The following GSAP variants were observed in gnomAD, a reference collection of about 807,000 sequenced individuals.
GSAP encodes gamma-secretase-activating protein.
A neutral mutation model predicts 131.7 loss-of-function variants in GSAP; 118 were observed. That is an observed-to-expected ratio of 0.90 (90% CI 0.77 to 1.04). GSAP has a LOEUF of 1.04. Ranked by LOEUF, GSAP falls within the 50% of genes least tolerant of loss-of-function variation. GSAP has a pLI of 0.00. For missense variants in GSAP, 1,019 were observed against 1,013.2 expected, an observed-to-expected ratio of 1.01 and a Z score of -0.08; for synonymous variants, 381 against 363.4, an observed-to-expected ratio of 1.05 and a Z score of -0.55.
intron 12 of GSAP, among the ~76,000 whole-genome samples, chr7:77,366,225 G>A (rs1353859744): frequency 1.3e-5 from 2 of 152,098 alleles, no homozygotes; most frequent in African/African-American, 4.8e-5. Context: ...CTGTGCAGAA[G>A]CTCTTAAGTT....
In GSAP at chr7:77,416,191, CT is replaced by C. The variant is rs1804427852; in HGVS notation, c.109+21del. On this transcript the variant is annotated intron_variant, in intron 1 of 30. Transcript: ENST00000257626. Reference sequence around the variant, plus strand: ...ACTCCCACTCCCCGCCCCCACCCCTCTCCGCAGCGCGCCTCCCGCACCTGCG... The same window carrying C: ...ACTCCCACTCCCCGCCCCCACCCCTCCCGCAGCGCGCCTCCCGCACCTGCG... 5 of 1,268,186 alleles carry C rather than the reference CT, an allele frequency of 3.9e-6. No homozygotes were observed. In the South Asian group the frequency reaches 4.6e-5, roughly 12 times the overall value. The allele number at this position is 1,268,186 out of a possible 1,614,324, so 78.6% of individuals were successfully genotyped here.
intron 12 of GSAP, among the ~76,000 whole-genome samples, chr7:77,368,205 C>T (rs1363137549): frequency 2.6e-5 from 4 of 152,136 alleles, no homozygotes; most frequent in Non-Finnish European, 4.4e-5. Context: ...TCCTGCCTTG[C>T]TTTTTGCCAT....
chr7:77,333,446 C>T (rs1195492943), intron 19 of GSAP, among the ~76,000 whole-genome samples: 1 of 152,180 alleles, frequency 6.6e-6, no homozygotes, highest in African/African-American at 2.4e-5. Context: ...CCATTGGAAC[C>T]ACCTGGGTCC....
At chr7:77,321,814 G>A (rs1787682740) in intron 24 of GSAP, among the ~76,000 whole-genome samples, 3 of 152,218 alleles carry the variant, frequency 2.0e-5, no homozygotes, top group South Asian at 2.1e-4. Flanking sequence ...GAGCTGTGAA[G>A]TAAGACTGGT....
intron 19 of GSAP, among the ~76,000 whole-genome samples, chr7:77,340,277 T>C (rs1365549254): frequency 6.6e-6 from 1 of 152,158 alleles, no homozygotes; most frequent in Non-Finnish European, 1.5e-5. Context: ...CTGACTCTTT[T>C]TGGACTCAGC....
intron 18 of GSAP, among the ~76,000 whole-genome samples, chr7:77,350,657 C>T (rs958903393): frequency 6.6e-6 from 1 of 151,572 alleles, no homozygotes; most frequent in African/African-American, 2.4e-5. Flanking sequence ...GCAGGACAAT[C>T]ACTTGAACCT....
chr7:77,325,986 G>T (rs757489171), intron 23 of GSAP, among the ~76,000 whole-genome samples: 1 of 152,172 alleles, frequency 6.6e-6, no homozygotes, highest in Non-Finnish European at 1.5e-5. Flanking sequence ...AATTACATAT[G>T]TATTGGTGTG....
At chr7:77,399,240 G>A (rs779807645) in intron 3 of GSAP, among the ~76,000 whole-genome samples, 1 of 152,130 alleles carries the variant, frequency 6.6e-6, no homozygotes, top group African/African-American at 2.4e-5. Context: ...TAGGCAAAAA[G>A]ACAATTAGTG....
intron 25 of GSAP, 81 bp from the exon 26 acceptor site, chr7:77,320,900 T>C (rs548990289): frequency 1.2e-6 from 1 of 838,238 alleles, no homozygotes; most frequent in African/African-American, 1.7e-5. Flanking sequence ...TGGCTTTGAG[T>C]ACTACACAAG....
intron 5 of GSAP, among the ~76,000 whole-genome samples, chr7:77,395,276 A>G (rs1233847655): frequency 6.6e-6 from 1 of 152,062 alleles, no homozygotes; most frequent in African/African-American, 2.4e-5. Flanking sequence ...ACAGGAGCCA[A>G]CCCAAGTTTC....
At chr7:77,386,384 A>G (rs886527305) in intron 6 of GSAP, among the ~76,000 whole-genome samples, 6 of 152,188 alleles carry the variant, frequency 3.9e-5, no homozygotes, top group African/African-American at 1.4e-4. Flanking sequence ...TCAGGATTTC[A>G]ACATTCAGGA....
rs1200040086 is a variant in GSAP, at chr7:77,334,579, T to TAAAAAAAAAA, written c.1546-4213_1546-4212insTTTTTTTTTT. On this transcript the variant is annotated intron_variant, in intron 19 of 30. Transcript: ENST00000257626. ...GCCCATGTATCCTGGAACTTAAAAT[T>TAAAAAAAAAA]TAAAAAAAAAAAAAAAAAAAAAAAA... Among the ~76,000 whole-genome samples, 181 of 82,350 alleles carry TAAAAAAAAAA rather than the reference T, an allele frequency of 2.2e-3. 11 individuals are homozygous for TAAAAAAAAAA. The highest frequency in any genetic ancestry group is 0.013 in the Middle Eastern group (2 of 158). The allele number at this position is 82,350 out of a possible 152,430, so 54.0% of individuals were successfully genotyped here. A position where few individuals can be genotyped will look rare whatever the true frequency, so the allele number is the denominator to read the frequency against.
At chr7:77,376,023 C>T (rs1476244070) in intron 10 of GSAP, among the ~76,000 whole-genome samples, 2 of 152,102 alleles carry the variant, frequency 1.3e-5, no homozygotes, top group Non-Finnish European at 2.9e-5. Flanking sequence ...TGCTAACATT[C>T]CAAATAGCTT....
intron 12 of GSAP, among the ~76,000 whole-genome samples, chr7:77,364,070 G>A (rs948755397): frequency 1.3e-5 from 2 of 152,014 alleles, no homozygotes; most frequent in Non-Finnish European, 2.9e-5. Context: ...AGATTCTCTA[G>A]TAATAAATAA....
intron 22 of GSAP, chr7:77,328,181 C>T (rs1788579958): frequency 1.0e-6 from 1 of 990,218 alleles, no homozygotes; most frequent in African/African-American, 1.7e-5. Context: ...AGCTCCTCAT[C>T]TTTATGCCTC....
chr7:77,385,860 T>A (rs1007981007), intron 6 of GSAP, among the ~76,000 whole-genome samples: 1 of 152,170 alleles, frequency 6.6e-6, no homozygotes, highest in African/African-American at 2.4e-5. Context: ...GGCAGATACT[T>A]TGAGTGGTGC....
rs757814189 is a variant in GSAP at position 77,382,575 on chromosome 7, T to G, written c.525A>C (p.Lys175Asn). ...TATTCCACCTAAAGATACACTTACA[T>G]TTCTCTTCTGAAATCAGTAACAGAT... ...ENHLLLISEE[K>N]YIEQFRIHVA... The change falls in exon 7 of 31, where the codon AAA becomes AAC. Residue 175 changes from lysine (K) to asparagine (N), a missense_variant and splice_region_variant. By Grantham distance (94) the Lys-to-Asn change is moderately conservative. Coordinates refer to ENST00000257626, the MANE Select transcript of GSAP (RefSeq NM_017439.4). 2 of 1,499,806 alleles carry G rather than the reference T, an allele frequency of 1.3e-6. No individual in the cohort carries two copies. Among genetic ancestry groups the G allele is most frequent in the Non-Finnish European group, 9.3e-7 (1 of 1,076,050 alleles). 92.9% of individuals were successfully genotyped at this position (1,499,806 alleles called of 1,614,324 possible).
At chr7:77,366,638 G>A (rs1795365242) in intron 12 of GSAP, among the ~76,000 whole-genome samples, 1 of 152,190 alleles carries the variant, frequency 6.6e-6, no homozygotes, top group Admixed American at 6.5e-5. Context: ...CTGTAGCCCT[G>A]TAGTATAGTT....
chr7:77,414,993 G>A (rs1006148093), intron 1 of GSAP, among the ~76,000 whole-genome samples: 3 of 151,700 alleles, frequency 2.0e-5, no homozygotes, highest in African/African-American at 7.3e-5. Flanking sequence ...GAGTAGCTGG[G>A]ATTACAGGAG....
Sources: gnomAD v4.1 joint callset for allele counts (sites outside exome capture counted in the v4.1 genomes callset) on GRCh38, gnomAD v4.1.1 for gene constraint, MANE v1.5 for transcripts, NCBI Gene and HGNC (gene_info 2026-07-23, HGNC 2026-07-21) for gene names.